Variants in MINDY4B observed in about 807,000 individuals in gnomAD.
MINDY4B encodes the protein inactive ubiquitin carboxyl-terminal hydrolase MINDY-4B.
A neutral mutation model predicts 16.7 loss-of-function variants in MINDY4B; 25 were observed. That is an observed-to-expected ratio of 1.49 (90% CI 1.09 to 2.09). The LOEUF (loss-of-function observed/expected upper bound fraction) is 2.09. Ranked by LOEUF, MINDY4B falls within the 30% of genes most tolerant of loss-of-function variation. The pLI, the probability that MINDY4B is intolerant of heterozygous loss-of-function variation, is 0.00. For synonymous variants in MINDY4B, 132 were observed against 61.9 expected (o/e 2.13, Z -5.32); for missense variants, 327 against 168.4 (o/e 1.94, Z -5.21).
intron 1 of MINDY4B, 21 bp from the exon 2 acceptor site, chr3:150,905,110 A>T (rs996796815): frequency 2.3e-5 from 9 of 398,444 alleles, no homozygotes; most frequent in Admixed American, 1.3e-4. Flanking sequence ...AAGAGAAAAC[A>T]TCAAGTAAAT....
intron 3 of MINDY4B, among the ~76,000 whole-genome samples, chr3:150,898,074 C>T (rs1429310711): frequency 6.6e-6 from 1 of 152,180 alleles, no homozygotes; most frequent in African/African-American, 2.4e-5. Flanking sequence ...TGGGGTAACC[C>T]CTGCTTGGTC....
chr3:150,872,823 T>A (rs927578100), intron 11 of MINDY4B, among the ~76,000 whole-genome samples: 3 of 152,222 alleles, frequency 2.0e-5, no homozygotes, highest in African/African-American at 7.2e-5. Flanking sequence ...CAGCCAATTC[T>A]TCCCTGGGTT....
intron 8 of MINDY4B, 39 bp from the exon 9 acceptor site, chr3:150,883,811 C>G (rs1049997560): frequency 1.7e-5 from 12 of 701,652 alleles, no homozygotes; most frequent in Non-Finnish European, 2.6e-5. Context: ...CAGTCAGAGA[C>G]AGTGCACCGG....
intron 7 of MINDY4B, 102 bp from the exon 8 acceptor site, chr3:150,885,540 C>A: frequency 1.5e-6 from 1 of 665,532 alleles, no homozygotes; most frequent in Non-Finnish European, 2.7e-6. Flanking sequence ...AGAATTTTTT[C>A]CCCCTGGCTG....
chr3:150,886,583 A>T (rs537132038), intron 7 of MINDY4B, among the ~76,000 whole-genome samples: 39 of 152,370 alleles, frequency 2.6e-4, no homozygotes, highest in Non-Finnish European at 4.4e-4. Flanking sequence ...TTAAAAGTCC[A>T]ATATGGGTCT....
At chr3:150,876,617 G>A (rs1711497394) in intron 10 of MINDY4B, among the ~76,000 whole-genome samples, 1 of 152,198 alleles carries the variant, frequency 6.6e-6, no homozygotes, top group South Asian at 2.1e-4. Flanking sequence ...GCAGGGTGCA[G>A]TGGGTACTGC....
At chr3:150,874,004 GA>G (rs1336045943) in intron 10 of MINDY4B, among the ~76,000 whole-genome samples, 2 of 89,114 alleles carry the variant, frequency 2.2e-5, no homozygotes, top group African/African-American at 4.5e-5. Context: ...ATTTAGCCTT[GA>G]TTTTTTTTTT....
chr3:150,871,272 T>A lies in MINDY4B; in HGVS notation c.1241-85A>T, dbSNP rs557566445. ...CACTAAAGAAGGACAGAAGGGTGGG[T>A]GGGCAGGAGTCAGGCTTGGAAAATT... On this transcript the variant is annotated intron_variant, in intron 11 of 11. Transcript: ENST00000465419. 5 of 646,992 alleles carry A rather than the reference T, an allele frequency of 7.7e-6. No individual in the cohort carries two copies. The Admixed American group carries it at 1.2e-4, about 15-fold the overall frequency. The allele number at this position is 646,992 out of a possible 1,614,324, so 40.1% of individuals were successfully genotyped here.
intron 7 of MINDY4B, among the ~76,000 whole-genome samples, chr3:150,886,097 T>C (rs1711615599): frequency 6.6e-6 from 1 of 152,238 alleles, no homozygotes; most frequent in Non-Finnish European, 1.5e-5. Context: ...TGGACAGGTT[T>C]CTTTTCTGCT....
At chr3:150,880,305 C>CTGTGTGTGTGTGTGTGTGTGTG (rs60659488) in intron 10 of MINDY4B, among the ~76,000 whole-genome samples, 3 of 149,778 alleles carry the variant, frequency 2.0e-5, no homozygotes, top group African/African-American at 7.4e-5. Context: ...AGGTTCCCAT[C>CTGTGTGTGTGTGTGTGTGTGTG]TGTGTGTGTG....
chr3:150,883,803 G>C (rs943128178), intron 8 of MINDY4B, 31 bp from the exon 9 acceptor site: 21 of 701,660 alleles, frequency 3.0e-5, no homozygotes, highest in Non-Finnish European at 4.9e-5. Flanking sequence ...TCAGCATCCA[G>C]TCAGAGACAG....
intron 7 of MINDY4B, among the ~76,000 whole-genome samples, chr3:150,887,489 C>G (rs1019799958): frequency 6.6e-6 from 1 of 152,178 alleles, no homozygotes; most frequent in Non-Finnish European, 1.5e-5. Flanking sequence ...TTCAGTCTAT[C>G]AAAACTTGTC....
In MINDY4B at chr3:150,894,476, G is replaced by A. The variant is rs16862996; in HGVS notation, c.310-171C>T. Among the ~76,000 whole-genome samples the A allele has an allele frequency of 6.5e-3, 997 of 152,272 alleles. 13 individuals carry two copies. The highest frequency in any genetic ancestry group is 0.022 in the African/African-American group (925 of 41,546). ...TTGTCTGAACTCCTGAGCAGAAGAT[G>A]TCTAGACAACGTTTGTCCCTCGTGT... On this transcript the variant is annotated intron_variant, in intron 3 of 11. Transcript: ENST00000465419.
At chr3:150,878,279 C>T (rs1711499720) in intron 10 of MINDY4B, among the ~76,000 whole-genome samples, 1 of 152,134 alleles carries the variant, frequency 6.6e-6, no homozygotes, top group African/African-American at 2.4e-5. Context: ...TATAAATATG[C>T]TTCATACATA....
rs184688339 is a variant in MINDY4B at position 150,897,673 on chromosome 3, C to T, written c.310-3368G>A. Among the ~76,000 whole-genome samples the T allele has an allele frequency of 1.9e-3, 291 of 152,330 alleles. 1 individual carries two copies. Among genetic ancestry groups the T allele is most frequent in the Non-Finnish European group, 1.8e-3 (122 of 68,034 alleles). ...GTTAGAATTTATTTCCCGGCCATCT[C>T]TACTTCCACCCTCAAAAGAAAAGGT... On this transcript the variant is annotated intron_variant, in intron 3 of 11. Transcript: ENST00000465419.
intron 7 of MINDY4B, among the ~76,000 whole-genome samples, chr3:150,888,649 C>T (rs540746065): frequency 4.6e-4 from 70 of 152,338 alleles, no homozygotes; most frequent in African/African-American, 1.7e-3. Flanking sequence ...TCAAGCTCCC[C>T]TCACTCAGGA....
chr3:150,874,408 A>T (rs1054874058), intron 10 of MINDY4B, among the ~76,000 whole-genome samples: 2 of 152,236 alleles, frequency 1.3e-5, no homozygotes, highest in Non-Finnish European at 2.9e-5. Context: ...GCAAACTTCT[A>T]GTGCGTTTCT....
intron 5 of MINDY4B, among the ~76,000 whole-genome samples, chr3:150,892,260 G>A (rs921411127): frequency 6.6e-6 from 1 of 152,210 alleles, no homozygotes; most frequent in Non-Finnish European, 1.5e-5. Context: ...CCATGCACCC[G>A]AGCTCCCATG....
intron 3 of MINDY4B, among the ~76,000 whole-genome samples, chr3:150,900,188 G>C (rs777439783): frequency 6.6e-6 from 1 of 152,202 alleles, no homozygotes; most frequent in Non-Finnish European, 1.5e-5. Flanking sequence ...AAAGATGTCA[G>C]GCTGGAGGAA....
Sources: gnomAD v4.1 joint callset for allele counts (sites outside exome capture counted in the v4.1 genomes callset) on GRCh38, gnomAD v4.1.1 for gene constraint, MANE v1.5 for transcripts, NCBI Gene and HGNC (gene_info 2026-07-23, HGNC 2026-07-21) for gene names.